The following IGSF10 variants were observed in gnomAD, a reference collection of about 807,000 sequenced individuals.
The protein encoded by IGSF10 is immunoglobulin superfamily member 10, also known as calvaria mechanical force protein 608.
Under a neutral mutation model 128.2 loss-of-function variants are expected in IGSF10, and 126 were observed. That is an observed-to-expected ratio of 0.98 (90% confidence interval 0.85 to 1.14). The LOEUF (loss-of-function observed/expected upper bound fraction) is 1.14, where lower values mean the gene tolerates loss of function less well. IGSF10 is among the 50% of genes most tolerant of loss of function. The pLI is 0.00. For missense variants in IGSF10, 3,295 were observed against 3,149.8 expected, an observed-to-expected ratio of 1.05 and a Z score of -1.10; for synonymous variants, 1,185 against 1,146.2, an observed-to-expected ratio of 1.03 and a Z score of -0.68.
chr3:151,438,875 G>GAC (rs1720657645), intron 7 of IGSF10, among the ~76,000 whole-genome samples: 3 of 151,024 alleles, frequency 2.0e-5, no homozygotes. Context: ...TAGAGAGAGA[G>GAC]AAATGACCAC....
the IGSF10 span, among the ~76,000 whole-genome samples, chr3:151,611,295 AC>A: frequency 4.6e-5 from 7 of 152,164 alleles, no homozygotes; most frequent in African/African-American, 1.7e-4. Flanking sequence ...CTGAAAACTC[AC>A]CAAATGTTTA....
chr3:151,545,453 G>A, the IGSF10 span, among the ~76,000 whole-genome samples: 1 of 152,186 alleles, frequency 6.6e-6, no homozygotes, highest in Non-Finnish European at 1.5e-5. Context: ...GATGAAGCAA[G>A]GCCTTTGCTC....
intron 4 of IGSF10, among the ~76,000 whole-genome samples, chr3:151,455,778 C>A (rs1721765226): frequency 6.6e-6 from 1 of 152,172 alleles, no homozygotes; most frequent in Non-Finnish European, 1.5e-5. Flanking sequence ...TTTTGAGTTG[C>A]AATTAAAATA....
At chr3:151,548,256 G>A in the IGSF10 span, among the ~76,000 whole-genome samples, 1,103 of 152,292 alleles carry the variant, frequency 7.2e-3, 13 homozygotes, top group African/African-American at 0.025. Flanking sequence ...ATGGCAAATA[G>A]AGAGGCCTCA....
chr3:151,559,367 G>A, the IGSF10 span, among the ~76,000 whole-genome samples: 2,457 of 152,230 alleles, frequency 0.016, 22 homozygotes, highest in South Asian at 0.025. Context: ...TTTGATTACT[G>A]AGAGAGTTTA....
Position 151,446,027 on chromosome 3 carries a change from T to C in IGSF10, c.3954A>G (p.Ile1318Met), listed in dbSNP as rs750250473. 5 of 1,614,060 alleles carry C rather than the reference T, an allele frequency of 3.1e-6. No homozygotes were observed. The highest frequency in any genetic ancestry group is 1.3e-5 in the African/African-American group (1 of 74,922). ...CAGGGAAGGTAGGAGTTGTTGCTGG[T>C]ATTGCTGTTTGCGTTGATATGATGC... ...TKSIISTQTA[I>M]PATTPTFPAS... The change falls in exon 6 of 8, where the codon ATA (isoleucine) becomes ATG (methionine). Residue 1318 changes from isoleucine (I) to methionine (M), a missense_variant. Transcript: ENST00000282466.
chr3:151,455,976 G>T (rs1721772340), intron 4 of IGSF10, among the ~76,000 whole-genome samples: 1 of 152,078 alleles, frequency 6.6e-6, no homozygotes, highest in Admixed American at 6.5e-5. Flanking sequence ...CCCCTAATAA[G>T]AAAAGAAAAT....
chr3:151,449,449 A>G (rs1721405337), intron 5 of IGSF10, among the ~76,000 whole-genome samples, 184 bp from the exon 6 acceptor site: 1 of 152,244 alleles, frequency 6.6e-6, no homozygotes, highest in South Asian at 2.1e-4. Flanking sequence ...ATACCCTGCT[A>G]CAACATAATA....
chr3:151,436,836 T>G lies in IGSF10; in HGVS notation c.7725A>C (p.Lys2575Asn). ...GCTGCTCACTTCCATGTGTCCTCTC[T>G]TTACTTGCCGTTGAGAGAAGGGAGT... ...PDHSLLSTASKERTHGSEQLH... is the reference protein window; with the variant it reads ...PDHSLLSTASNERTHGSEQLH... The change falls in exon 8 of 8, where the codon AAA (lysine) becomes AAC (asparagine). Residue 2575 changes from lysine (K) to asparagine (N), a missense_variant. Lys to Asn is a moderately conservative substitution (Grantham distance 94). Transcript: ENST00000282466. The G allele has an allele frequency of 6.2e-7, 1 of 1,614,188 alleles. No homozygotes were observed. Among genetic ancestry groups the G allele is most frequent in the South Asian group, 1.1e-5 (1 of 91,086 alleles).
In IGSF10 at chr3:151,448,401, C is replaced by A. The variant is rs370594099; in HGVS notation, c.1580G>T (p.Arg527Leu). 7.4e-6 allele frequency: 12 copies of A among 1,614,060 alleles called. No individual in the cohort carries two copies. The East Asian group carries it at 2.4e-4, about 33-fold the overall frequency. The change falls in exon 6 of 8, where the codon CGG (arginine) becomes CTG (leucine). Residue 527 changes from arginine to leucine, a missense_variant. By Grantham distance (102) the Arg-to-Leu change is moderately radical. Transcript: ENST00000282466. ...VRAPYVSEDG[R>L]ILIDKSGKLE... ...TTTTCCACTTTTGTCTATTAGGATC[C>A]GTCCATCCTCACTGACATAAGGGGC...
chr3:151,437,586 T>C lies in IGSF10; in HGVS notation c.6975A>G (p.Val2325=), dbSNP rs747004469. The change falls in exon 8 of 8, where the codon GTA becomes GTG. Residue 2325 remains valine (V), a synonymous_variant. Coordinates refer to ENST00000282466, the MANE Select transcript of IGSF10 (RefSeq NM_178822.5). ...GCATTTCCAGTACTTCTAACTGTAC[T>C]ACCAACACGCTCTCTCCACCTTCAT... ...ARNEGGESVL[V]VQLEVLEMLR... is the part of the protein sequence containing the mutation. 4.5e-5 allele frequency: 73 copies of C among 1,614,056 alleles called. No homozygotes were observed. The highest frequency in any genetic ancestry group is 6.1e-5 in the Non-Finnish European group (72 of 1,180,038).
the IGSF10 span, among the ~76,000 whole-genome samples, chr3:151,599,438 T>G: frequency 3.3e-5 from 5 of 152,138 alleles, no homozygotes; most frequent in African/African-American, 9.7e-5. Flanking sequence ...AGCTTAGCAA[T>G]ATCTTTGAGG....
the IGSF10 span, among the ~76,000 whole-genome samples, chr3:151,585,372 G>C: frequency 6.6e-6 from 1 of 152,090 alleles, no homozygotes. Context: ...GGACAAAGCT[G>C]TTTAATATAA....
At chr3:151,449,304 C>T in intron 5 of IGSF10, 39 bp from the exon 6 acceptor site, 3 of 1,477,144 alleles carry the variant, frequency 2.0e-6, no homozygotes, top group Non-Finnish European at 2.7e-6. Flanking sequence ...GTTGTGACCT[C>T]TTTATGAATT....
the IGSF10 span, among the ~76,000 whole-genome samples, chr3:151,476,486 G>A: frequency 2.0e-4 from 30 of 152,206 alleles, no homozygotes; most frequent in East Asian, 5.2e-3. Context: ...CATTGTACCC[G>A]GATGGCCTCT....
At chr3:151,521,037 T>A in the IGSF10 span, among the ~76,000 whole-genome samples, 4 of 150,882 alleles carry the variant, frequency 2.7e-5, no homozygotes, top group African/African-American at 7.3e-5. Context: ...GAAGGAAAAA[T>A]TTACCAAGCA....
the IGSF10 span, among the ~76,000 whole-genome samples, chr3:151,530,067 C>A: frequency 6.6e-6 from 1 of 151,394 alleles, no homozygotes; most frequent in African/African-American, 2.4e-5. Context: ...GAAGCATACA[C>A]AAGTATCAAT....
intron 4 of IGSF10, among the ~76,000 whole-genome samples, chr3:151,455,683 T>C (rs1185599187): frequency 6.6e-6 from 1 of 152,226 alleles, no homozygotes; most frequent in Admixed American, 6.5e-5. Context: ...TATTCTACTG[T>C]ATACATGCAC....
the IGSF10 span, among the ~76,000 whole-genome samples, chr3:151,547,457 CA>C: frequency 1.3e-5 from 2 of 151,256 alleles, no homozygotes; most frequent in African/African-American, 4.9e-5. Context: ...CACACACACA[CA>C]CGTTATTCAA....
Sources: allele counts gnomAD v4.1 joint callset (sites outside exome capture counted in the v4.1 genomes callset), GRCh38; gene constraint gnomAD v4.1.1; transcripts MANE v1.5; gene names NCBI Gene and HGNC (gene_info 2026-07-23, HGNC 2026-07-21).